GLIS3: variants seen among roughly 807,000 people sequenced by gnomAD.
GLIS3 encodes zinc finger protein GLIS3.
In GLIS3, 53 loss-of-function variants were observed where a neutral mutation model predicts 78.6. That is an observed-to-expected ratio of 0.67 (90% CI 0.54 to 0.85). The LOEUF is 0.85. GLIS3 is among the 40% of genes least tolerant of loss of function. The probability of loss-of-function intolerance (pLI) is 0.00; values close to 1 mark genes in which losing one functional copy is unlikely to be tolerated. For missense variants in GLIS3, 1,703 were observed against 1,231.1 expected (o/e 1.38, Z -5.74); for synonymous variants, 684 against 509.9 (o/e 1.34, Z -4.60).
At chr9:4,024,036 A>AAC (rs1554674584) in intron 4 of GLIS3, among the ~76,000 whole-genome samples, 3 of 103,128 alleles carry the variant, frequency 2.9e-5, no homozygotes, top group African/African-American at 1.2e-4. Flanking sequence ...AAAAAAAAAC[A>AAC]AAAAAAAAAA....
chr9:3,919,687 G>T (rs1361143594), intron 6 of GLIS3, among the ~76,000 whole-genome samples: 1 of 150,568 alleles, frequency 6.6e-6, no homozygotes, highest in Admixed American at 6.6e-5. Context: ...ATAATAAAAT[G>T]AAATGAAATG....
the GLIS3 span, among the ~76,000 whole-genome samples, chr9:4,375,096 C>G: frequency 6.6e-6 from 1 of 152,184 alleles, no homozygotes; most frequent in Non-Finnish European, 1.5e-5. Context: ...CAAATCCTAT[C>G]TTATCCTGAC....
At chr9:4,436,318 G>T in the GLIS3 span, among the ~76,000 whole-genome samples, 33,386 of 152,108 alleles carry the variant, frequency 0.22, 3,925 homozygotes, top group Middle Eastern at 0.3. Context: ...ATATTAAAAG[G>T]TGGTTTTAAA....
At chr9:4,489,179 T>C in the GLIS3 span, among the ~76,000 whole-genome samples, 1 of 152,194 alleles carries the variant, frequency 6.6e-6, no homozygotes, top group Non-Finnish European at 1.5e-5. Context: ...CCTTCTGACA[T>C]TTCTTCAGAT....
chr9:3,978,138 A>G (rs1818938651), intron 4 of GLIS3, among the ~76,000 whole-genome samples: 2 of 151,952 alleles, frequency 1.3e-5, no homozygotes, highest in Admixed American at 1.3e-4. Flanking sequence ...AACTGTGGAC[A>G]CTCCTCTGCA....
At chr9:4,246,418 AG>A (rs879376079) in intron 2 of GLIS3, among the ~76,000 whole-genome samples, 48 of 152,352 alleles carry the variant, frequency 3.2e-4, no homozygotes, top group Admixed American at 7.2e-4. Context: ...TAGACTTCTC[AG>A]GATCTTGTTT....
chr9:4,068,158 TG>T (rs1827263993), intron 4 of GLIS3, among the ~76,000 whole-genome samples: 1 of 152,172 alleles, frequency 6.6e-6, no homozygotes, highest in South Asian at 2.1e-4. Context: ...TAAAATTTAA[TG>T]TCATTTGCAA....
At chr9:4,287,544 T>A (rs917289079) in intron 1 of GLIS3, among the ~76,000 whole-genome samples, 1 of 152,190 alleles carries the variant, frequency 6.6e-6, no homozygotes, top group African/African-American at 2.4e-5. Flanking sequence ...ATAGACACTG[T>A]CACAATCTGT....
At chr9:4,151,720 A>C (rs1834694668) in intron 2 of GLIS3, among the ~76,000 whole-genome samples, 1 of 152,182 alleles carries the variant, frequency 6.6e-6, no homozygotes, top group African/African-American at 2.4e-5. Context: ...TAAACAATGA[A>C]AGCGCTCTTC....
At chr9:4,112,102 T>C (rs1487840108) in intron 4 of GLIS3, among the ~76,000 whole-genome samples, 1 of 152,194 alleles carries the variant, frequency 6.6e-6, no homozygotes, top group Non-Finnish European at 1.5e-5. Flanking sequence ...AATTTGTCAG[T>C]TCCACTGCCA....
intron 2 of GLIS3, among the ~76,000 whole-genome samples, chr9:4,145,452 C>T (rs1378433327): frequency 6.6e-6 from 1 of 151,914 alleles, no homozygotes; most frequent in Non-Finnish European, 1.5e-5. Context: ...TGCTGTGATA[C>T]ATATAGTACA....
chr9:4,188,647 G>C (rs1164164973), intron 2 of GLIS3, among the ~76,000 whole-genome samples: 1 of 152,164 alleles, frequency 6.6e-6, no homozygotes, highest in Non-Finnish European at 1.5e-5. Flanking sequence ...TGGTTGGTAA[G>C]CTACTGATTA....
At chr9:3,927,406 G>T (rs1232238734) in intron 6 of GLIS3, among the ~76,000 whole-genome samples, 1 of 152,186 alleles carries the variant, frequency 6.6e-6, no homozygotes, top group Non-Finnish European at 1.5e-5. Context: ...GAGAACTATT[G>T]CAAGAAAGAA....
intron 2 of GLIS3, among the ~76,000 whole-genome samples, chr9:4,138,244 G>A (rs10974341): frequency 0.011 from 1,726 of 152,296 alleles, 14 homozygotes; most frequent in Middle Eastern, 0.034. Flanking sequence ...AAGGGAGGGA[G>A]AACGCATATT....
intron 2 of GLIS3, among the ~76,000 whole-genome samples, chr9:4,250,649 G>A (rs1046245455): frequency 6.6e-6 from 1 of 152,104 alleles, no homozygotes; most frequent in African/African-American, 2.4e-5. Context: ...CTTGTCTGCT[G>A]CTAGTTTTTG....
rs151336706 is a variant in GLIS3 at position 4,251,460 on chromosome 9, T to G, written c.388+34578A>C. On this transcript the variant is annotated intron_variant, in intron 2 of 10. Coordinates refer to ENST00000381971, the MANE Select transcript of GLIS3 (RefSeq NM_001042413.2). Reference sequence around the variant, plus strand: ...TTTTTTTTTTTGCTTTCCATTTGCTTGGTAAATATTCCTCCATCCCTTTAT... The same window carrying G: ...TTTTTTTTTTTGCTTTCCATTTGCTGGGTAAATATTCCTCCATCCCTTTAT... Among the ~76,000 whole-genome samples the G allele has an allele frequency of 5.0e-3, 752 of 150,380 alleles. 5 individuals carry two copies. Among genetic ancestry groups the G allele is most frequent in the African/African-American group, 0.018 (716 of 40,896 alleles).
chr9:3,867,716 TG>T (rs1208052356), intron 8 of GLIS3, among the ~76,000 whole-genome samples: 29 of 4,422 alleles, frequency 6.6e-3, no homozygotes, highest in Admixed American at 0.051. Flanking sequence ...CAACAATTCT[TG>T]TGTGTGTGTG....
intron 3 of GLIS3, among the ~76,000 whole-genome samples, chr9:4,309,329 G>T (rs182183753): frequency 3.3e-5 from 5 of 152,236 alleles, no homozygotes; most frequent in Admixed American, 3.3e-4. Flanking sequence ...TTAAGACTTG[G>T]CTGTAAGTTA....
chr9:4,261,452 G>C (rs375704884), intron 2 of GLIS3, among the ~76,000 whole-genome samples: 1 of 152,170 alleles, frequency 6.6e-6, no homozygotes, highest in Admixed American at 6.5e-5. Flanking sequence ...GAAACATGGA[G>C]ATTAGGAAGA....
Sources: allele counts gnomAD v4.1 joint callset (sites outside exome capture counted in the v4.1 genomes callset), GRCh38; gene constraint gnomAD v4.1.1; transcripts MANE v1.5; gene names NCBI Gene and HGNC (gene_info 2026-07-23, HGNC 2026-07-21).